FSHR: variants seen among roughly 807,000 people sequenced by gnomAD.
FSHR encodes follicle-stimulating hormone receptor.
Under a neutral mutation model 52.1 loss-of-function variants are expected in FSHR, and 46 were observed. The ratio of observed to expected loss-of-function variants is 0.88; its 90% CI spans 0.70 to 1.13. The LOEUF (loss-of-function observed/expected upper bound fraction) is 1.13, where lower values mean the gene tolerates loss of function less well. Among genes scored for constraint, FSHR ranks in the 50% most tolerant of loss-of-function variants. FSHR has a pLI of 0.00. For missense variants in FSHR, 964 were observed against 834.6 expected, an observed-to-expected ratio of 1.16 and a Z score of -1.91; for synonymous variants, 399 against 309.6, an observed-to-expected ratio of 1.29 and a Z score of -3.03.
chr2:49,138,285 C>T (rs1186912435), intron 1 of FSHR, among the ~76,000 whole-genome samples: 1 of 152,134 alleles, frequency 6.6e-6, no homozygotes, highest in East Asian at 1.9e-4. Context: ...AATGGCTCAG[C>T]CACTTTGGAA....
intron 2 of FSHR, among the ~76,000 whole-genome samples, chr2:49,051,470 T>C (rs1668853522): frequency 6.6e-6 from 1 of 152,156 alleles, no homozygotes; most frequent in Admixed American, 6.5e-5. Context: ...TTATTGCCGA[T>C]TCGTGTATCT....
intron 8 of FSHR, among the ~76,000 whole-genome samples, chr2:48,972,251 T>C (rs1431495424): frequency 1.3e-5 from 2 of 152,250 alleles, no homozygotes; most frequent in Admixed American, 6.5e-5. Flanking sequence ...GAAAAACTTC[T>C]TGACTTTTTA....
At chr2:48,976,472 T>G (rs1411958589) in intron 8 of FSHR, among the ~76,000 whole-genome samples, 2 of 152,230 alleles carry the variant, frequency 1.3e-5, no homozygotes, top group Non-Finnish European at 1.5e-5. Context: ...TGCCAGGTTT[T>G]GGTATCAGGA....
intron 4 of FSHR, among the ~76,000 whole-genome samples, chr2:49,001,456 C>T (rs1289204602): frequency 1.3e-5 from 2 of 152,120 alleles, no homozygotes; most frequent in Admixed American, 6.6e-5. Flanking sequence ...GTGAGATTCG[C>T]AGCTAACAGA....
At chr2:49,109,739 A>C (rs1448273964) in intron 1 of FSHR, among the ~76,000 whole-genome samples, 3 of 152,176 alleles carry the variant, frequency 2.0e-5, no homozygotes, top group Non-Finnish European at 4.4e-5. Flanking sequence ...AGTATCTCAG[A>C]AATTGCTTTT....
intron 4 of FSHR, among the ~76,000 whole-genome samples, chr2:49,016,816 G>A (rs1479974368): frequency 1.3e-5 from 2 of 152,166 alleles, no homozygotes; most frequent in African/African-American, 4.8e-5. Context: ...CAATATGCGA[G>A]GTTAAGTCCA....
chr2:49,055,435 G>A (rs1186925253), intron 2 of FSHR, among the ~76,000 whole-genome samples: 2 of 146,170 alleles, frequency 1.4e-5, no homozygotes, highest in Non-Finnish European at 3.0e-5. Flanking sequence ...AGAAGGAGAA[G>A]AGAAAGGAAA....
chr2:49,075,132 A>C lies in FSHR; in HGVS notation c.153-6842T>G, dbSNP rs1014474364. Reference sequence around the variant, plus strand: ...AATCTCTAGTGTTCTATATCACTGTAGGATGACTATAGTTAACAATAATAT... The same window carrying C: ...AATCTCTAGTGTTCTATATCACTGTCGGATGACTATAGTTAACAATAATAT... On this transcript the variant is annotated intron_variant, in intron 1 of 9. Coordinates refer to ENST00000406846, the MANE Select transcript of FSHR (RefSeq NM_000145.4). Among the ~76,000 whole-genome samples, 4 of 152,236 alleles carry C rather than the reference A, an allele frequency of 2.6e-5. No homozygotes were observed. The East Asian group carries it at 7.7e-4, about 29-fold the overall frequency.
chr2:48,971,023 A>C (rs1207506299), intron 8 of FSHR, among the ~76,000 whole-genome samples: 1 of 152,212 alleles, frequency 6.6e-6, no homozygotes, highest in African/African-American at 2.4e-5. Context: ...CATCTATTGC[A>C]ATCTTAGTAC....
intron 2 of FSHR, among the ~76,000 whole-genome samples, chr2:49,021,569 G>GC (rs1667699936): frequency 2.8e-5 from 2 of 70,244 alleles, no homozygotes; most frequent in Non-Finnish European, 8.6e-5. Context: ...GAAGGCCCCT[G>GC]GGGGAGGGGA....
intron 1 of FSHR, among the ~76,000 whole-genome samples, chr2:49,107,969 G>T (rs1671290785): frequency 6.6e-6 from 1 of 152,148 alleles, no homozygotes; most frequent in South Asian, 2.1e-4. Flanking sequence ...TCAACCAAGA[G>T]ATGCCCAGTG....
At chr2:49,038,626 A>AAAAAAT (rs574192521) in intron 2 of FSHR, among the ~76,000 whole-genome samples, 5,732 of 70,544 alleles carry the variant, frequency 0.081, 332 homozygotes, top group Middle Eastern at 0.19. Flanking sequence ...CTCTGTCTCA[A>AAAAAAT]AATAATAATA....
In FSHR at chr2:49,076,369, A is replaced by G. The variant is rs144950042; in HGVS notation, c.153-8079T>C. ...AAAGAAAGAGAGCTTGTGCAGGGGA[A>G]CTCATCTTTTTAAAATCATCAGATG... On this transcript the variant is annotated intron_variant, in intron 1 of 9. Transcript: ENST00000406846. Among the ~76,000 whole-genome samples, 117 of 152,240 alleles carry G rather than the reference A, an allele frequency of 7.7e-4. 4 individuals are homozygous for G. In the South Asian group the frequency reaches 8.7e-3, roughly 11 times the overall value.
intron 2 of FSHR, among the ~76,000 whole-genome samples, chr2:49,056,203 AT>A (rs955578094): frequency 5.3e-5 from 8 of 151,912 alleles, no homozygotes; most frequent in African/African-American, 1.4e-4. Context: ...GGTGAAATAG[AT>A]TTTTTTAAAA....
At chr2:49,072,191 C>G (rs1669762456) in intron 1 of FSHR, among the ~76,000 whole-genome samples, 1 of 152,040 alleles carries the variant, frequency 6.6e-6, no homozygotes, top group Non-Finnish European at 1.5e-5. Context: ...TACACATAGA[C>G]CCATGTGGAA....
chr2:49,128,575 C>T (rs1031955937), intron 1 of FSHR, among the ~76,000 whole-genome samples: 1 of 152,106 alleles, frequency 6.6e-6, no homozygotes, highest in African/African-American at 2.4e-5. Context: ...GATCAGCCTG[C>T]TGCTACTGTA....
intron 2 of FSHR, among the ~76,000 whole-genome samples, chr2:49,061,889 C>T (rs1669323542): frequency 1.4e-5 from 2 of 145,646 alleles, no homozygotes; most frequent in Admixed American, 7.0e-5. Context: ...ATCTCCAAAC[C>T]TGGAGCACTC....
chr2:49,029,078 A>AT (rs1244778227), intron 2 of FSHR, among the ~76,000 whole-genome samples: 2 of 152,214 alleles, frequency 1.3e-5, no homozygotes, highest in African/African-American at 2.4e-5. Flanking sequence ...TGTTAAGTAC[A>AT]TTTTTATTGA....
intron 8 of FSHR, among the ~76,000 whole-genome samples, chr2:48,977,886 T>C (rs1014274): frequency 0.55 from 83,470 of 151,876 alleles, 24,511 homozygotes; most frequent in Non-Finnish European, 0.66. Flanking sequence ...GAGGGGTAGT[T>C]GTGGACTGGT....
Sources: allele counts gnomAD v4.1 joint callset (sites outside exome capture counted in the v4.1 genomes callset), GRCh38; gene constraint gnomAD v4.1.1; transcripts MANE v1.5; gene names NCBI Gene and HGNC (gene_info 2026-07-23, HGNC 2026-07-21).